SYT1: variants seen among roughly 807,000 people sequenced by gnomAD.
The protein encoded by SYT1 is synaptotagmin 1.
In SYT1, 8 loss-of-function variants were observed where a neutral mutation model predicts 44.8. That is an observed-to-expected ratio of 0.18 (90% CI 0.10 to 0.32). SYT1 has a LOEUF of 0.32. Among genes scored for constraint, SYT1 ranks in the 10% least tolerant of loss-of-function variants. The pLI is 1.00. For synonymous variants in SYT1, 154 were observed against 188.8 expected (o/e 0.82, Z 1.51); for missense variants, 286 against 509.3 (o/e 0.56, Z 4.22).
At chr12:79,242,535 T>C (rs932609334) in intron 4 of SYT1, among the ~76,000 whole-genome samples, 5 of 152,190 alleles carry the variant, frequency 3.3e-5, no homozygotes, top group Non-Finnish European at 5.9e-5. Flanking sequence ...AGAAAGAAAT[T>C]AAGTTTTCAA....
At chr12:79,411,823 C>A (rs551092266) in intron 9 of SYT1, among the ~76,000 whole-genome samples, 2 of 151,980 alleles carry the variant, frequency 1.3e-5, no homozygotes, top group Admixed American at 6.6e-5. Flanking sequence ...TTGAAACATA[C>A]AAAGCACATC....
At chr12:79,075,908 C>T (rs930701814) in intron 3 of SYT1, among the ~76,000 whole-genome samples, 1 of 151,978 alleles carries the variant, frequency 6.6e-6, no homozygotes, top group African/African-American at 2.4e-5. Context: ...ATTATATCAA[C>T]CTTGTAGGGA....
At chr12:78,909,855 C>G (rs1876216140) in intron 1 of SYT1, among the ~76,000 whole-genome samples, 1 of 151,922 alleles carries the variant, frequency 6.6e-6, no homozygotes, top group South Asian at 2.1e-4. Flanking sequence ...TTCAAAGTGT[C>G]AAGTACCACC....
intron 7 of SYT1, among the ~76,000 whole-genome samples, chr12:79,297,577 A>G (rs1329131256): frequency 1.3e-5 from 2 of 152,118 alleles, no homozygotes; most frequent in African/African-American, 2.4e-5. Context: ...AGTAATTTCT[A>G]TAAAACCAAG....
intron 2 of SYT1, among the ~76,000 whole-genome samples, chr12:78,991,750 C>A (rs1229880082): frequency 6.6e-6 from 1 of 152,074 alleles, no homozygotes; most frequent in Non-Finnish European, 1.5e-5. Flanking sequence ...CTAACAAGTT[C>A]TTCTAATCTT....
rs551556301 is a variant in SYT1, at chr12:79,443,609, A to G, written c.929-464A>G. Among the ~76,000 whole-genome samples, 5 of 152,334 alleles carry G rather than the reference A, an allele frequency of 3.3e-5. No homozygotes were observed. In the South Asian group the frequency reaches 1.0e-3, roughly 32 times the overall value. On this transcript the variant is annotated intron_variant, in intron 9 of 10. Coordinates refer to ENST00000261205, the MANE Select transcript of SYT1 (RefSeq NM_005639.3). ...AGTAAATGAATAAATGAATGAATGAAATGGCTCCTTTGTCCTCTCTCTGTT... is the reference window on the plus strand; with the variant it reads ...AGTAAATGAATAAATGAATGAATGAGATGGCTCCTTTGTCCTCTCTCTGTT...
chr12:79,320,244 C>T (rs1881289995), intron 8 of SYT1, among the ~76,000 whole-genome samples: 1 of 152,118 alleles, frequency 6.6e-6, no homozygotes, highest in South Asian at 2.1e-4. Flanking sequence ...AAATTTCCAT[C>T]CCAAAACCCT....
intron 4 of SYT1, 42 bp downstream of exon 4, chr12:79,217,727 G>GA: frequency 6.5e-7 from 1 of 1,528,932 alleles, no homozygotes; most frequent in South Asian, 1.2e-5. Context: ...ATAAGTGGTT[G>GA]AAAAATACCC....
intron 2 of SYT1, among the ~76,000 whole-genome samples, chr12:78,989,472 G>T (rs1164605970): frequency 6.6e-6 from 1 of 152,002 alleles, no homozygotes; most frequent in Non-Finnish European, 1.5e-5. Flanking sequence ...GAGTCTCAGG[G>T]CCTAGCCCCC....
chr12:79,284,964 A>C (rs1483494935), intron 4 of SYT1, among the ~76,000 whole-genome samples: 1 of 152,206 alleles, frequency 6.6e-6, no homozygotes, highest in Non-Finnish European at 1.5e-5. Context: ...GTACCACTGT[A>C]ATCTTCACTG....
chr12:79,074,103 A>C (rs1350210540), intron 3 of SYT1, among the ~76,000 whole-genome samples: 1 of 152,176 alleles, frequency 6.6e-6, no homozygotes, highest in African/African-American at 2.4e-5. Context: ...AAGACTCTGG[A>C]GTGTTTTTAT....
intron 3 of SYT1, among the ~76,000 whole-genome samples, chr12:79,173,708 C>T (rs1262521251): frequency 6.6e-6 from 1 of 151,990 alleles, no homozygotes; most frequent in Non-Finnish European, 1.5e-5. Flanking sequence ...CATAAGGAGC[C>T]TTGTAAAACG....
chr12:78,922,615 A>G (rs1236017514), intron 1 of SYT1, among the ~76,000 whole-genome samples: 8 of 151,970 alleles, frequency 5.3e-5, no homozygotes, highest in Non-Finnish European at 1.2e-4. Context: ...ATGAAATCAT[A>G]GAGCCTCTGT....
chr12:79,257,069 A>G (rs1473907888), intron 4 of SYT1, among the ~76,000 whole-genome samples: 1 of 152,240 alleles, frequency 6.6e-6, no homozygotes, highest in Non-Finnish European at 1.5e-5. Flanking sequence ...GGCACAAAAG[A>G]GAATTTTGTT....
intron 1 of SYT1, among the ~76,000 whole-genome samples, chr12:78,958,793 C>T (rs1879350503): frequency 6.6e-6 from 1 of 151,966 alleles, no homozygotes; most frequent in African/African-American, 2.4e-5. Flanking sequence ...CTATGCTTAA[C>T]CTCATTTTGG....
At chr12:79,225,688 C>A (rs1875474584) in intron 4 of SYT1, among the ~76,000 whole-genome samples, 1 of 152,182 alleles carries the variant, frequency 6.6e-6, no homozygotes, top group African/African-American at 2.4e-5. Context: ...GCTTTTAACA[C>A]CATCTTCCTC....
At chr12:79,155,281 A>T (rs1347679429) in intron 3 of SYT1, among the ~76,000 whole-genome samples, 1 of 152,224 alleles carries the variant, frequency 6.6e-6, no homozygotes, top group African/African-American at 2.4e-5. Context: ...ATCAAATATT[A>T]GAATGGGCTG....
At chr12:79,025,567 A>G (rs761726677) in intron 2 of SYT1, among the ~76,000 whole-genome samples, 3 of 151,710 alleles carry the variant, frequency 2.0e-5, no homozygotes, top group Non-Finnish European at 4.4e-5. Context: ...GTTGTAGAAT[A>G]AAAACATGAT....
chr12:79,236,095 T>G (rs10861717), intron 4 of SYT1, among the ~76,000 whole-genome samples: 1 of 151,972 alleles, frequency 6.6e-6, no homozygotes, highest in Non-Finnish European at 1.5e-5. Flanking sequence ...TTATTCTGGT[T>G]TGAGCCCTCA....
Sources: allele counts gnomAD v4.1 joint callset (sites outside exome capture counted in the v4.1 genomes callset), GRCh38; gene constraint gnomAD v4.1.1; transcripts MANE v1.5; gene names NCBI Gene and HGNC (gene_info 2026-07-23, HGNC 2026-07-21).